Variants in PPARG observed in about 807,000 individuals in gnomAD.
The protein encoded by PPARG is peroxisome proliferator activated receptor gamma.
Under a neutral mutation model 39.2 loss-of-function variants are expected in PPARG, and 17 were observed. The observed-to-expected ratio is 0.43, with a 90% CI of 0.30 to 0.65. The LOEUF (loss-of-function observed/expected upper bound fraction) is 0.65. Among genes scored for constraint, PPARG ranks in the 30% least tolerant of loss-of-function variants. The pLI, the probability that PPARG is intolerant of heterozygous loss-of-function variation, is 0.13. For missense variants in PPARG, 406 were observed against 585.9 expected (o/e 0.69, Z 3.17); for synonymous variants, 223 against 215.7 (o/e 1.03, Z -0.30).
At chr3:12,397,378 T>TTTTTTA (rs892304421) in intron 5 of PPARG, among the ~76,000 whole-genome samples, 18 of 132,106 alleles carry the variant, frequency 1.4e-4, no homozygotes, top group African/African-American at 4.5e-4. Flanking sequence ...CCTATTCCTT[T>TTTTTTA]TTATTATTAT....
At chr3:12,297,833 T>C (rs1021758736) in intron 1 of PPARG, 1 of 152,254 alleles carries the variant, frequency 6.6e-6, no homozygotes, top group African/African-American at 2.4e-5. Context: ...TTCTATTATG[T>C]TCCTTTTTTT....
intron 2 of PPARG, among the ~76,000 whole-genome samples, chr3:12,343,943 C>T (rs1480239366): frequency 2.0e-5 from 3 of 148,506 alleles, no homozygotes; most frequent in South Asian, 2.1e-4. Flanking sequence ...TCACTACAAC[C>T]TCTGCCTCCC....
intron 5 of PPARG, among the ~76,000 whole-genome samples, chr3:12,404,830 A>G (rs1431036516): frequency 7.9e-5 from 12 of 152,116 alleles, no homozygotes; most frequent in Admixed American, 7.9e-4. Flanking sequence ...TAAAATAAAA[A>G]TCTCTTTGTT....
At chr3:12,432,035 T>C (rs764033335) in intron 7 of PPARG, among the ~76,000 whole-genome samples, 1 of 152,058 alleles carries the variant, frequency 6.6e-6, no homozygotes, top group Non-Finnish European at 1.5e-5. Flanking sequence ...TTACTAAAAC[T>C]TTACCATATA....
Position 12,316,105 on chromosome 3 carries a change from C to A in PPARG, c.-9+3652C>A, listed in dbSNP as rs1045178162. ...GAAATCAATGACAGCATTAAGTTGT[C>A]TAGAAAATCAGTTTAACTTTAGAAA... is the stretch of plus-strand genomic sequence containing the variant. On this transcript the variant is annotated intron_variant, in intron 2 of 7. Transcript: ENST00000651735. Among the ~76,000 whole-genome samples, 6 of 152,232 alleles carry A rather than the reference C, an allele frequency of 3.9e-5. No individual in the cohort carries two copies. In the East Asian group the frequency reaches 1.2e-3, roughly 29 times the overall value.
At chr3:12,406,102 T>C (rs757996534) in intron 6 of PPARG, 21 bp downstream of exon 6, 2 of 1,612,408 alleles carry the variant, frequency 1.2e-6, no homozygotes, top group Non-Finnish European at 1.7e-6. Context: ...TTCTGCTGTC[T>C]TCATTGGGGG....
chr3:12,357,002 A>G (rs1237126961), intron 2 of PPARG, among the ~76,000 whole-genome samples: 1 of 151,994 alleles, frequency 6.6e-6, no homozygotes, highest in Non-Finnish European at 1.5e-5. Context: ...CTAAACTGAA[A>G]ATGTGTTCAG....
intron 1 of PPARG, among the ~76,000 whole-genome samples, chr3:12,309,648 T>G (rs896697855): frequency 6.6e-6 from 1 of 152,288 alleles, no homozygotes; most frequent in East Asian, 1.9e-4. Context: ...ATAAAACTAA[T>G]AGCTTTTGGA....
intron 7 of PPARG, among the ~76,000 whole-genome samples, chr3:12,418,804 G>A (rs1387232576): frequency 1.3e-5 from 2 of 152,118 alleles, no homozygotes; most frequent in Admixed American, 6.5e-5. Context: ...GCGGAATACC[G>A]GCCTTTAAAT....
In PPARG at chr3:12,406,116, C is replaced by T. The variant is rs375965554; in HGVS notation, c.729+35C>T. ...CTTCTGCTGTCTTCATTGGGGGAGG[C>T]GGGAAGTTGTTTTGGGTTTTTGTTT... On this transcript the variant is annotated intron_variant, in intron 6 of 7. Transcript: ENST00000651735. The T allele has an allele frequency of 1.4e-4, 219 of 1,602,752 alleles. 1 individual carries two copies. Among genetic ancestry groups the T allele is most frequent in the Middle Eastern group, 1.3e-3 (8 of 6,058 alleles).
intron 2 of PPARG, among the ~76,000 whole-genome samples, chr3:12,347,314 G>T (rs572396846): frequency 6.6e-6 from 1 of 151,990 alleles, no homozygotes; most frequent in South Asian, 2.1e-4. Context: ...GCAAGACCCC[G>T]GTCAAAAATT....
In PPARG at chr3:12,434,339, A is replaced by G. The variant is rs1677137603; in HGVS notation, c.*194A>G. ...TTTTAATATTAAAAATTACCATATTATGAAATTGCTGATAGTATTTGAAGA... is the reference window on the plus strand; with the variant it reads ...TTTTAATATTAAAAATTACCATATTGTGAAATTGCTGATAGTATTTGAAGA... On this transcript the variant is annotated 3_prime_UTR_variant, in exon 8 of 8. Coordinates refer to ENST00000651735, the MANE Select transcript of PPARG (RefSeq NM_138711.6). The surrounding 1 kb of genome is among the most constrained non-coding windows in gnomAD (Gnocchi z 4.2). 2.7e-6 allele frequency: 2 copies of G among 750,378 alleles called. No homozygotes were observed. The highest frequency in any genetic ancestry group is 4.2e-6 in the Non-Finnish European group (2 of 473,122). The allele number at this position is 750,378 out of a possible 1,614,324, so 46.5% of individuals were successfully genotyped here.
At chr3:12,364,489 A>G (rs558965515) in intron 2 of PPARG, among the ~76,000 whole-genome samples, 2 of 152,184 alleles carry the variant, frequency 1.3e-5, no homozygotes, top group East Asian at 1.9e-4. Context: ...AGTTTTGGCA[A>G]TTATGAATAG....
chr3:12,336,970 T>C (rs908342759), intron 2 of PPARG, among the ~76,000 whole-genome samples: 1 of 152,182 alleles, frequency 6.6e-6, no homozygotes. Flanking sequence ...ATCAATCAAG[T>C]CTTGAACACC....
chr3:12,290,198 C>G (rs1398940572), intron 1 of PPARG, among the ~76,000 whole-genome samples: 2 of 151,792 alleles, frequency 1.3e-5, no homozygotes, highest in East Asian at 3.9e-4. Flanking sequence ...TTTTTAAAAT[C>G]AAAAACTTTT....
chr3:12,321,251 G>T (rs896816615), intron 2 of PPARG, among the ~76,000 whole-genome samples: 1 of 152,336 alleles, frequency 6.6e-6, no homozygotes, highest in African/African-American at 2.4e-5. Context: ...TGGCTGGCAT[G>T]TGGTGGAGTG....
At chr3:12,421,099 A>T (rs1053837653) in intron 7 of PPARG, among the ~76,000 whole-genome samples, 1 of 152,148 alleles carries the variant, frequency 6.6e-6, no homozygotes, top group African/African-American at 2.4e-5. Context: ...AACTTAAGTG[A>T]TTTGTCTGAG....
chr3:12,389,517 C>G (rs942679724), intron 4 of PPARG, among the ~76,000 whole-genome samples: 1 of 152,128 alleles, frequency 6.6e-6, no homozygotes, highest in African/African-American at 2.4e-5. Flanking sequence ...CAAGAGACTT[C>G]TCAACAGCAA....
intron 5 of PPARG, among the ~76,000 whole-genome samples, chr3:12,394,737 T>C (rs1410180554): frequency 6.6e-6 from 1 of 152,210 alleles, no homozygotes; most frequent in East Asian, 1.9e-4. Context: ...AACAAGGTTT[T>C]GATTAGTTTT....
Sources: allele counts gnomAD v4.1 joint callset (sites outside exome capture counted in the v4.1 genomes callset), GRCh38; gene constraint gnomAD v4.1.1; non-coding constraint Gnocchi (gnomAD v3.1); transcripts MANE v1.5; gene names NCBI Gene and HGNC (gene_info 2026-07-23, HGNC 2026-07-21).